The following AVEN variants were observed in gnomAD, a reference collection of about 807,000 sequenced individuals.
AVEN encodes the protein cell death regulator Aven.
Under a neutral mutation model 38.1 loss-of-function variants are expected in AVEN, and 41 were observed. That is an observed-to-expected ratio of 1.08 (90% CI 0.84 to 1.40). AVEN has a LOEUF of 1.40. Ranked by LOEUF, AVEN falls within the 40% of genes most tolerant of loss-of-function variation. The probability of loss-of-function intolerance (pLI) is 0.00; values close to 1 mark genes in which losing one functional copy is unlikely to be tolerated. For synonymous variants in AVEN, 206 were observed against 171.8 expected, an observed-to-expected ratio of 1.20 and a Z score of -1.56; for missense variants, 605 against 438.8, an observed-to-expected ratio of 1.38 and a Z score of -3.38.
intron 1 of AVEN, among the ~76,000 whole-genome samples, chr15:34,026,908 A>C (rs1898499033): frequency 6.6e-6 from 1 of 152,188 alleles, no homozygotes; most frequent in South Asian, 2.1e-4. Context: ...CCTACGTATA[A>C]TAGAATTAAA....
At position 33,931,879 on chromosome 15, in the gene AVEN, A is replaced by G. The variant is rs1381743318; in HGVS notation, c.446-55884T>C. Among the ~76,000 whole-genome samples, 13 of 152,338 alleles carry G rather than the reference A, an allele frequency of 8.5e-5. No homozygotes were observed. In the East Asian group the frequency reaches 2.3e-3, roughly 27 times the overall value. On this transcript the variant is annotated intron_variant, in intron 2 of 5. Transcript: ENST00000306730. ...AATTGGGAAAAATAGCTCATCAGTC[A>G]AAACCATCCCCCTGATGGAAGAGAG...
At chr15:33,935,419 G>T (rs1406223843) in intron 2 of AVEN, among the ~76,000 whole-genome samples, 1 of 151,934 alleles carries the variant, frequency 6.6e-6, no homozygotes, top group African/African-American at 2.4e-5. Context: ...GCATTTTTTT[G>T]AACTCAGAAA....
At chr15:33,873,404 T>C (rs1891081417) in intron 3 of AVEN, among the ~76,000 whole-genome samples, 2 of 150,420 alleles carry the variant, frequency 1.3e-5, no homozygotes. Flanking sequence ...CCGCCCCCTC[T>C]CTATTGTCTT....
At chr15:34,016,861 G>A (rs1371197895) in intron 1 of AVEN, among the ~76,000 whole-genome samples, 1 of 152,170 alleles carries the variant, frequency 6.6e-6, no homozygotes, top group Non-Finnish European at 1.5e-5. Context: ...ACGTGTGGTG[G>A]CACACGCCTG....
intron 1 of AVEN, among the ~76,000 whole-genome samples, chr15:34,031,886 C>T (rs993874422): frequency 3.9e-5 from 6 of 152,170 alleles, no homozygotes; most frequent in Admixed American, 3.9e-4. Context: ...TTCTCCATAA[C>T]CATTATCCAT....
At chr15:33,876,440 C>A (rs1891234963) in intron 2 of AVEN, among the ~76,000 whole-genome samples, 1 of 107,560 alleles carries the variant, frequency 9.3e-6, no homozygotes, top group Non-Finnish European at 2.4e-5. Flanking sequence ...GGCGTGGTGG[C>A]ACGTGCCTAT....
chr15:33,932,574 C>T lies in AVEN; in HGVS notation c.446-56579G>A, dbSNP rs192803829. ...GGGCGCGGTGGCTCACGCCTGTAAT[C>T]CCAGCACTTTGGAAGGCTGAGGTGG... On this transcript the variant is annotated intron_variant, in intron 2 of 5. Coordinates refer to ENST00000306730, the MANE Select transcript of AVEN (RefSeq NM_020371.3). Among the ~76,000 whole-genome samples the T allele has an allele frequency of 6.3e-3, 957 of 152,294 alleles. 6 individuals carry two copies. The highest frequency in any genetic ancestry group is 0.017 in the Middle Eastern group (5 of 294).
chr15:33,904,694 A>AAAAAATATAT (rs1464894437), intron 2 of AVEN, among the ~76,000 whole-genome samples: 20 of 112,734 alleles, frequency 1.8e-4, no homozygotes, highest in African/African-American at 5.5e-4. Flanking sequence ...AAAAAAAAAA[A>AAAAAATATAT]ATATATATAT....
At chr15:34,035,502 G>C (rs549732890) in intron 1 of AVEN, among the ~76,000 whole-genome samples, 1 of 152,292 alleles carries the variant, frequency 6.6e-6, no homozygotes, top group South Asian at 2.1e-4. Flanking sequence ...GCTCTGGAGT[G>C]AAAATGCTGG....
chr15:33,864,908 G>GAGGGGGATTTTTCT, downstream of AVEN: 2 of 502,882 alleles, frequency 4.0e-6, no homozygotes, highest in South Asian at 6.7e-5. Context: ...GTTTGGGGCA[G>GAGGGGGATTTTTCT]AGGGGGATTT....
chr15:33,929,482 T>C (rs1893756001), intron 2 of AVEN, among the ~76,000 whole-genome samples: 1 of 152,230 alleles, frequency 6.6e-6, no homozygotes, highest in African/African-American at 2.4e-5. Flanking sequence ...GTAGGACTGA[T>C]GCTGGTGCCA....
intron 2 of AVEN, among the ~76,000 whole-genome samples, chr15:33,971,394 A>G (rs1472375958): frequency 6.6e-6 from 1 of 152,066 alleles, no homozygotes; most frequent in Non-Finnish European, 1.5e-5. Flanking sequence ...AATAATACCT[A>G]TTGCTATATC....
At chr15:34,057,802 A>C (rs981465873) in intron 5 of AVEN, among the ~76,000 whole-genome samples, 3 of 152,212 alleles carry the variant, frequency 2.0e-5, no homozygotes, top group Admixed American at 6.5e-5. Flanking sequence ...TTTCTAATAA[A>C]TTAATTAATG....
At chr15:33,863,164 G>A (rs1204846972), downstream of AVEN, among the ~76,000 whole-genome samples, 1 of 152,132 alleles carries the variant, frequency 6.6e-6, no homozygotes, top group Non-Finnish European at 1.5e-5. Context: ...GCAAGCTTGA[G>A]GGGAAAGAAC....
chr15:33,988,959 AT>A (rs975907602), intron 2 of AVEN, among the ~76,000 whole-genome samples: 3 of 151,698 alleles, frequency 2.0e-5, no homozygotes, highest in Admixed American at 6.6e-5. Context: ...AGCACATTTG[AT>A]TTTTTTTTCC....
intron 5 of AVEN, among the ~76,000 whole-genome samples, chr15:34,046,223 C>CA (rs377681180): frequency 5.3e-5 from 8 of 151,366 alleles, no homozygotes; most frequent in South Asian, 2.1e-4. Context: ...AACTATCATC[C>CA]AAAAAAATAA....
chr15:33,923,253 A>G (rs1893473165), intron 2 of AVEN, among the ~76,000 whole-genome samples: 1 of 152,230 alleles, frequency 6.6e-6, no homozygotes, highest in Admixed American at 6.5e-5. Flanking sequence ...ACATTGTTTT[A>G]CAAATTACAA....
Position 33,937,971 on chromosome 15 carries a change from G to T in AVEN, c.446-61976C>A, listed in dbSNP as rs189856237. Among the ~76,000 whole-genome samples the T allele has an allele frequency of 1.9e-3, 211 of 112,344 alleles. 5 individuals are homozygous for T. The highest frequency in any genetic ancestry group is 0.017 in the Admixed American group (195 of 11,626). 73.7% of individuals were successfully genotyped at this position (112,344 alleles called of 152,430 possible). On this transcript the variant is annotated intron_variant, in intron 2 of 5. Coordinates refer to ENST00000306730, the MANE Select transcript of AVEN (RefSeq NM_020371.3). ...AAAAAAAAAAAAAGAAAGAGAAAAA[G>T]AATTCCAATTAAAGTACTAAATATG...
chr15:33,920,102 T>C (rs1893334512), intron 2 of AVEN, among the ~76,000 whole-genome samples: 1 of 152,180 alleles, frequency 6.6e-6, no homozygotes, highest in Non-Finnish European at 1.5e-5. Context: ...ACCCTAACCC[T>C]GGATTAATGA....
Sources: allele counts gnomAD v4.1 joint callset (sites outside exome capture counted in the v4.1 genomes callset), GRCh38; gene constraint gnomAD v4.1.1; transcripts MANE v1.5; gene names NCBI Gene and HGNC (gene_info 2026-07-23, HGNC 2026-07-21).